The following NRXN3 variants were observed in gnomAD, a reference collection of about 807,000 sequenced individuals.
NRXN3 encodes the protein neurexin III.
In NRXN3, 32 loss-of-function variants were observed where a neutral mutation model predicts 137.6. The ratio of observed to expected loss-of-function variants is 0.23; its 90% CI spans 0.18 to 0.31. The LOEUF is 0.31. NRXN3 is among the 10% of genes least tolerant of loss of function. The pLI is 1.00. For missense variants in NRXN3, 1,574 were observed against 2,062.5 expected (o/e 0.76, Z 4.59); for synonymous variants, 798 against 784.5 (o/e 1.02, Z -0.29).
chr14:78,521,695 C>T (rs1325041692), intron 4 of NRXN3, among the ~76,000 whole-genome samples: 1 of 151,996 alleles, frequency 6.6e-6, no homozygotes, highest in Non-Finnish European at 1.5e-5. Flanking sequence ...ACCTTAATTT[C>T]AGTGAATGGT....
At chr14:78,290,191 G>A (rs2075662079) in intron 3 of NRXN3, among the ~76,000 whole-genome samples, 1 of 152,160 alleles carries the variant, frequency 6.6e-6, no homozygotes. Flanking sequence ...ATTCTGGTAG[G>A]TAGAGGATTG....
chr14:79,684,164 C>A (rs1361959533), intron 17 of NRXN3, among the ~76,000 whole-genome samples: 1 of 152,196 alleles, frequency 6.6e-6, no homozygotes, highest in African/African-American at 2.4e-5. Flanking sequence ...TAAACATTTT[C>A]TTACCATGTT....
At chr14:78,314,891 T>TTCTTTC (rs2078405261) in intron 4 of NRXN3, among the ~76,000 whole-genome samples, 1 of 88,504 alleles carries the variant, frequency 1.1e-5, no homozygotes, top group East Asian at 3.1e-4. Context: ...CTTTCTTTCT[T>TTCTTTC]TCTCTTTCTT....
At chr14:79,153,335 G>A (rs1372953833) in intron 15 of NRXN3, among the ~76,000 whole-genome samples, 2 of 151,886 alleles carry the variant, frequency 1.3e-5, no homozygotes, top group South Asian at 2.1e-4. Flanking sequence ...GTAATTTTAG[G>A]AATATGATTA....
intron 15 of NRXN3, among the ~76,000 whole-genome samples, chr14:79,291,329 A>T (rs1186299279): frequency 6.6e-6 from 1 of 152,046 alleles, no homozygotes; most frequent in Admixed American, 6.5e-5. Flanking sequence ...TATAAACGTT[A>T]TAGTTCATTT....
chr14:78,511,050 C>G (rs2096095759), intron 4 of NRXN3, among the ~76,000 whole-genome samples: 1 of 152,128 alleles, frequency 6.6e-6, no homozygotes, highest in Non-Finnish European at 1.5e-5. Context: ...TCTTCCATAA[C>G]CCAGTGCCTT....
chr14:79,295,766 C>T (rs936506635), intron 15 of NRXN3, among the ~76,000 whole-genome samples: 3 of 152,130 alleles, frequency 2.0e-5, no homozygotes, highest in Non-Finnish European at 4.4e-5. Flanking sequence ...TTGAGAATCT[C>T]TCCTATTTGG....
In NRXN3 at chr14:79,862,506, AC is replaced by A. The variant is rs1418702515; in HGVS notation, c.*545del. 3 of 152,520 alleles carry A rather than the reference AC, an allele frequency of 2.0e-5. No individual in the cohort carries two copies. In the East Asian group the frequency reaches 5.8e-4, roughly 29 times the overall value. The allele number at this position is 152,520 out of a possible 1,614,324, so 9.4% of individuals were successfully genotyped here. On this transcript the variant is annotated 3_prime_UTR_variant, in exon 21 of 21. Coordinates refer to ENST00000335750, the MANE Select transcript of NRXN3 (RefSeq NM_001330195.2). ...AAACAAACAAAAAAAAAAACCCACA[AC>A]CCTTATCTGGTTCTGACCAGTGTGC...
At chr14:78,603,852 G>C (rs777464053) in intron 4 of NRXN3, among the ~76,000 whole-genome samples, 1 of 152,240 alleles carries the variant, frequency 6.6e-6, no homozygotes, top group Non-Finnish European at 1.5e-5. Context: ...TGTTGGCACC[G>C]ACAGTCACAG....
intron 4 of NRXN3, among the ~76,000 whole-genome samples, chr14:78,516,437 G>A (rs963364204): frequency 6.7e-6 from 1 of 149,052 alleles, no homozygotes; most frequent in South Asian, 2.2e-4. Flanking sequence ...GAGGCCAGGT[G>A]ATCTCTGAGA....
At chr14:78,236,787 G>C (rs2066377839) in intron 1 of NRXN3, among the ~76,000 whole-genome samples, 1 of 142,734 alleles carries the variant, frequency 7.0e-6, no homozygotes, top group South Asian at 2.3e-4. Flanking sequence ...AGGTTAAATA[G>C]CTATAGGAAT....
chr14:78,187,265 G>GTT (rs34593677), intron 1 of NRXN3, among the ~76,000 whole-genome samples: 3 of 145,476 alleles, frequency 2.1e-5, no homozygotes, highest in Admixed American at 6.9e-5. Context: ...GTGTGTGTGT[G>GTT]TTTTTTTTTT....
intron 15 of NRXN3, among the ~76,000 whole-genome samples, chr14:79,178,615 T>C (rs2062602585): frequency 6.6e-6 from 1 of 152,252 alleles, no homozygotes; most frequent in South Asian, 2.1e-4. Context: ...AGACTGAAAG[T>C]AAATCTGAAT....
chr14:79,197,535 T>G (rs374520630), intron 15 of NRXN3, among the ~76,000 whole-genome samples: 2 of 151,472 alleles, frequency 1.3e-5, no homozygotes, highest in African/African-American at 4.9e-5. Flanking sequence ...CTTTTTCTTT[T>G]CTTACTGTAT....
chr14:79,321,886 T>C (rs1019283485), intron 15 of NRXN3, among the ~76,000 whole-genome samples: 29 of 149,316 alleles, frequency 1.9e-4, no homozygotes, highest in African/African-American at 5.1e-4. Flanking sequence ...ACTATATATA[T>C]ACACACACAC....
chr14:78,578,692 A>G (rs768939417), intron 4 of NRXN3, among the ~76,000 whole-genome samples: 9 of 152,158 alleles, frequency 5.9e-5, no homozygotes, highest in Non-Finnish European at 1.0e-4. Context: ...CATCTTGAGT[A>G]TATTGTTCTG....
intron 4 of NRXN3, among the ~76,000 whole-genome samples, chr14:78,440,846 C>T (rs990246180): frequency 2.6e-5 from 4 of 152,066 alleles, no homozygotes; most frequent in African/African-American, 7.2e-5. Flanking sequence ...CCCATCTCAT[C>T]GATTTGCATG....
At chr14:78,832,969 C>T (rs562833368) in intron 10 of NRXN3, among the ~76,000 whole-genome samples, 1 of 152,260 alleles carries the variant, frequency 6.6e-6, no homozygotes, top group South Asian at 2.1e-4. Context: ...ATCTAAGTTT[C>T]ACGCATAAAA....
chr14:79,007,380 C>T (rs965752997), intron 15 of NRXN3, among the ~76,000 whole-genome samples: 3 of 151,554 alleles, frequency 2.0e-5, no homozygotes, highest in Non-Finnish European at 4.4e-5. Context: ...GAAGAGAAGC[C>T]TCATGTGTAG....
Sources: allele counts gnomAD v4.1 joint callset (sites outside exome capture counted in the v4.1 genomes callset), GRCh38; gene constraint gnomAD v4.1.1; transcripts MANE v1.5; gene names NCBI Gene and HGNC (gene_info 2026-07-23, HGNC 2026-07-21).